The following PGRMC2 variants were observed in gnomAD, a reference collection of about 807,000 sequenced individuals.
PGRMC2 encodes progesterone receptor membrane component 2.
PGRMC2 carries 9 observed loss-of-function variants against 19.3 expected under a neutral mutation model. The ratio of observed to expected loss-of-function variants is 0.47; its 90% CI spans 0.28 to 0.81. The LOEUF (loss-of-function observed/expected upper bound fraction) is 0.81. PGRMC2 is among the 40% of genes least tolerant of loss of function. The probability of loss-of-function intolerance (pLI) is 0.11; values close to 1 mark genes in which losing one functional copy is unlikely to be tolerated. For missense variants in PGRMC2, 289 were observed against 297.3 expected, an observed-to-expected ratio of 0.97 and a Z score of 0.21; for synonymous variants, 157 against 124.6, an observed-to-expected ratio of 1.26 and a Z score of -1.73.
rs1760693460 is a variant in PGRMC2, at chr4:128,269,526, A to G, written c.*1790T>C. Reference sequence around the variant, plus strand: ...CAGTCTTCAGCAAAGATTTGGCTGAAGATAACTTTCTACAAAACACTCCAA... The same window carrying G: ...CAGTCTTCAGCAAAGATTTGGCTGAGGATAACTTTCTACAAAACACTCCAA... On this transcript the variant is annotated 3_prime_UTR_variant, in exon 3 of 3. Coordinates refer to ENST00000296425, the MANE Select transcript of PGRMC2 (RefSeq NM_006320.6). The G allele has an allele frequency of 6.6e-6, 1 of 151,918 alleles. No individual in the cohort carries two copies. Among genetic ancestry groups the G allele is most frequent in the Non-Finnish European group, 1.5e-5 (1 of 68,034 alleles). The allele number at this position is 151,918 out of a possible 1,614,324, so 9.4% of individuals were successfully genotyped here. A position where few individuals can be genotyped will look rare whatever the true frequency, so the allele number is the denominator to read the frequency against.
chr4:128,280,908 A>G (rs1760901371), intron 1 of PGRMC2, among the ~76,000 whole-genome samples: 1 of 152,166 alleles, frequency 6.6e-6, no homozygotes, highest in Non-Finnish European at 1.5e-5. Context: ...CCCAATCTAC[A>G]ATTTTATATT....
intron 1 of PGRMC2, among the ~76,000 whole-genome samples, chr4:128,277,855 A>G (rs996340659): frequency 6.6e-6 from 1 of 152,198 alleles, no homozygotes; most frequent in African/African-American, 2.4e-5. Context: ...TCCACTCACA[A>G]TCAACAAGTC....
rs762220952 is a variant in PGRMC2, at chr4:128,287,559, G to A, written c.232C>T (p.Arg78Trp). Reference protein sequence around the residue: ...AYRLWVRWGRRGLGAGAGAGE... With the variant: ...AYRLWVRWGRWGLGAGAGAGE... Reference sequence around the variant, plus strand: ...GCCCCGGCCCCGGCCCCCAGACCCCGCCGCCCCCAGCGCACCCACAGCCGG... The same window carrying A: ...GCCCCGGCCCCGGCCCCCAGACCCCACCGCCCCCAGCGCACCCACAGCCGG... The change falls in exon 1 of 3, where the codon CGG (arginine) becomes TGG (tryptophan). Residue 78 changes from arginine to tryptophan, a missense_variant. Transcript: ENST00000296425. The A allele has an allele frequency of 5.1e-4, 90 of 177,008 alleles. No individual in the cohort carries two copies. The highest frequency in any genetic ancestry group is 7.2e-4 in the Non-Finnish European group (73 of 101,162). 11.0% of individuals were successfully genotyped at this position (177,008 alleles called of 1,614,324 possible). A position where few individuals can be genotyped will look rare whatever the true frequency, so the allele number is the denominator to read the frequency against.
chr4:128,282,625 G>A (rs955191914), intron 1 of PGRMC2, among the ~76,000 whole-genome samples: 6 of 152,204 alleles, frequency 3.9e-5, no homozygotes, highest in African/African-American at 1.4e-4. Context: ...TATCTTACTG[G>A]TAGGTAATAG....
chr4:128,277,786 C>CTA (rs1376067122), intron 1 of PGRMC2, among the ~76,000 whole-genome samples: 2 of 152,246 alleles, frequency 1.3e-5, no homozygotes, highest in Admixed American at 1.3e-4. Flanking sequence ...AGAGAGAATG[C>CTA]AGTATGGTAA....
In PGRMC2 at chr4:128,287,387, T is replaced by C. The variant is rs779710297; in HGVS notation, c.404A>G (p.Lys135Arg). The C allele has an allele frequency of 5.0e-6, 8 of 1,602,566 alleles. No individual in the cohort carries two copies. The highest frequency in any genetic ancestry group is 1.6e-4 in the Middle Eastern group (1 of 6,062). The change falls in exon 1 of 3, where the codon AAG becomes AGG. Residue 135 changes from lysine to arginine, a missense_variant. Physicochemically the swap from Lys to Arg is conservative, Grantham distance 26. Transcript: ENST00000296425. ...CAACTCCTCACCCGGGCCGTAGAAC[T>C]TGCTGCCTTTGGTCACGTCGAAGAC... is the stretch of plus-strand genomic sequence containing the variant. ...GKVFDVTKGS[K>R]FYGPAGPYGI... is the part of the protein sequence containing the mutation.
chr4:128,284,095 G>A (rs1760950131), intron 1 of PGRMC2, among the ~76,000 whole-genome samples: 1 of 152,122 alleles, frequency 6.6e-6, no homozygotes, highest in African/African-American at 2.4e-5. Context: ...ACACGCGTGA[G>A]CCACCGTGCC....
intron 1 of PGRMC2, among the ~76,000 whole-genome samples, chr4:128,273,351 A>G (rs1418166238): frequency 1.3e-5 from 2 of 152,176 alleles, no homozygotes; most frequent in Non-Finnish European, 2.9e-5. Context: ...GTGTTGACAA[A>G]AACCATTCCC....
intron 1 of PGRMC2, among the ~76,000 whole-genome samples, chr4:128,284,092 T>C (rs891565109): frequency 3.3e-5 from 5 of 152,186 alleles, no homozygotes; most frequent in African/African-American, 1.2e-4. Context: ...ATTACACGCG[T>C]GAGCCACCGT....
At chr4:128,273,389 G>A (rs1760761547) in intron 1 of PGRMC2, among the ~76,000 whole-genome samples, 1 of 152,142 alleles carries the variant, frequency 6.6e-6, no homozygotes, top group Admixed American at 6.5e-5. Flanking sequence ...ACAGCAATTT[G>A]TTCATCAATT....
At chr4:128,281,134 T>C (rs1324494119) in intron 1 of PGRMC2, among the ~76,000 whole-genome samples, 4 of 152,000 alleles carry the variant, frequency 2.6e-5, no homozygotes, top group African/African-American at 7.3e-5. Flanking sequence ...GGGGTGGAGT[T>C]TGAAAAAACA....
chr4:128,286,522 AG>A, intron 1 of PGRMC2: 1 of 396,060 alleles, frequency 2.5e-6, no homozygotes, highest in Non-Finnish European at 4.4e-6. Flanking sequence ...AACTCTTCTA[AG>A]TTTTTTCTCC....
rs374171303 is a variant in PGRMC2, at chr4:128,287,805, G to A, written c.-15C>T. On this transcript the variant is annotated 5_prime_UTR_variant, in exon 1 of 3. Coordinates refer to ENST00000296425, the MANE Select transcript of PGRMC2 (RefSeq NM_006320.6). ...CCAGCCGCCATCACTGCCCGCCAGC[G>A]CCTTCCTCCTCCTCCCCGCCCCCTG... The A allele has an allele frequency of 2.6e-4, 397 of 1,514,308 alleles. 1 individual carries two copies. In the African/African-American group the frequency reaches 4.5e-3, roughly 17 times the overall value. The allele number at this position is 1,514,308 out of a possible 1,614,324, so 93.8% of individuals were successfully genotyped here.
intron 1 of PGRMC2, among the ~76,000 whole-genome samples, chr4:128,279,905 T>C (rs912057987): frequency 1.3e-5 from 2 of 152,152 alleles, no homozygotes; most frequent in East Asian, 3.8e-4. Flanking sequence ...TTGTGGGAAG[T>C]AGACTTATTT....
At chr4:128,285,105 C>T (rs1760963356) in intron 1 of PGRMC2, among the ~76,000 whole-genome samples, 1 of 151,998 alleles carries the variant, frequency 6.6e-6, no homozygotes, top group Non-Finnish European at 1.5e-5. Context: ...CATAAAAAAG[C>T]AATCTACCAC....
At chr4:128,281,740 T>C (rs918107140) in intron 1 of PGRMC2, among the ~76,000 whole-genome samples, 4 of 152,178 alleles carry the variant, frequency 2.6e-5, no homozygotes, top group Admixed American at 1.3e-4. Flanking sequence ...AAATGAAATA[T>C]TGTGTTAATA....
intron 1 of PGRMC2, among the ~76,000 whole-genome samples, chr4:128,285,518 T>C (rs1760970919): frequency 6.6e-6 from 1 of 152,254 alleles, no homozygotes; most frequent in African/African-American, 2.4e-5. Flanking sequence ...TATTTTCAGA[T>C]ACTGCCAAGG....
At chr4:128,280,607 C>T (rs574222100) in intron 1 of PGRMC2, among the ~76,000 whole-genome samples, 3 of 152,122 alleles carry the variant, frequency 2.0e-5, no homozygotes, top group African/African-American at 4.8e-5. Context: ...ATAATAAGGT[C>T]AATTTACATT....
chr4:128,272,597 A>AAC lies in PGRMC2; in HGVS notation c.419-81_419-80insGT, dbSNP rs370270424. 6,682 of 926,912 alleles carry AAC rather than the reference A, an allele frequency of 7.2e-3. 294 individuals carry two copies. In the African/African-American group the frequency reaches 0.1, roughly 14 times the overall value. 57.4% of individuals were successfully genotyped at this position (926,912 alleles called of 1,614,324 possible). On this transcript the variant is annotated intron_variant, in intron 1 of 2. Transcript: ENST00000296425. ...CAAAGGAAAAAGTAAAAAAAAAAAAAAAAAAACACAACAAAGAAAAAAACC... is the reference window on the plus strand; with the variant it reads ...CAAAGGAAAAAGTAAAAAAAAAAAAAACAAAAAACACAACAAAGAAAAAAACC...
Sources: gnomAD v4.1 joint callset for allele counts (sites outside exome capture counted in the v4.1 genomes callset) on GRCh38, gnomAD v4.1.1 for gene constraint, MANE v1.5 for transcripts, NCBI Gene and HGNC (gene_info 2026-07-23, HGNC 2026-07-21) for gene names.